MTCL1: variants seen among roughly 807,000 people sequenced by gnomAD.
MTCL1 encodes the protein microtubule crosslinking factor 1.
A neutral mutation model predicts 141.4 loss-of-function variants in MTCL1; 79 were observed. The ratio of observed to expected loss-of-function variants is 0.56; its 90% confidence interval spans 0.47 to 0.67. The LOEUF (loss-of-function observed/expected upper bound fraction) is 0.67. Among genes scored for constraint, MTCL1 ranks in the 30% least tolerant of loss-of-function variants. The pLI is 0.00. For missense variants in MTCL1, 2,177 were observed against 2,113.9 expected, an observed-to-expected ratio of 1.03 and a Z score of -0.59; for synonymous variants, 914 against 875.8, an observed-to-expected ratio of 1.04 and a Z score of -0.77.
At chr18:8,789,912 A>G (rs983476429) in intron 7 of MTCL1, among the ~76,000 whole-genome samples, 5 of 152,156 alleles carry the variant, frequency 3.3e-5, no homozygotes, top group Non-Finnish European at 7.4e-5. Context: ...CACGTTTTGT[A>G]TGTTGTTTTT....
rs1025627325 is a variant in MTCL1, at chr18:8,828,953, C to T, written c.*7C>T. On this transcript the variant is annotated 3_prime_UTR_variant, in exon 16 of 17. Coordinates refer to ENST00000359865, the Ensembl canonical transcript of MTCL1. This position sits in a 1 kb window ranked among gnomAD's most constrained non-coding sequence, Gnocchi z 5.2. ...TGCCCCCTGGGGACTCTAGCCCTGCCCGCCTCACGCTGTAAGTGCTTCCTT... is the reference window on the plus strand; with the variant it reads ...TGCCCCCTGGGGACTCTAGCCCTGCTCGCCTCACGCTGTAAGTGCTTCCTT... The T allele has an allele frequency of 6.2e-7, 1 of 1,614,232 alleles. No individual in the cohort carries two copies. Among genetic ancestry groups the T allele is most frequent in the Non-Finnish European group, 8.5e-7 (1 of 1,180,040 alleles).
At chr18:8,826,961 A>G (rs1012937834) in intron 15 of MTCL1, among the ~76,000 whole-genome samples, 2 of 152,228 alleles carry the variant, frequency 1.3e-5, no homozygotes, top group African/African-American at 4.8e-5. Flanking sequence ...TCCCATTTCC[A>G]CTTCAACAAT....
chr18:8,783,813 G>C, exon 6 of MTCL1: 1 of 1,613,300 alleles, frequency 6.2e-7, no homozygotes, highest in South Asian at 1.1e-5. Flanking sequence ...GAGAACCGTG[G>C]CCTCAAGGCA....
chr18:8,776,516 T>C (rs899349783), intron 4 of MTCL1, among the ~76,000 whole-genome samples: 5 of 152,144 alleles, frequency 3.3e-5, no homozygotes, highest in Non-Finnish European at 5.9e-5. Flanking sequence ...TAGGCAGGGT[T>C]CCCAGGCACT....
chr18:8,808,390 C>T (rs1290869511), intron 11 of MTCL1, among the ~76,000 whole-genome samples: 1 of 152,188 alleles, frequency 6.6e-6, no homozygotes, highest in Non-Finnish European at 1.5e-5. Flanking sequence ...AAGCCAGTTT[C>T]AAAACATTTC....
intron 13 of MTCL1, among the ~76,000 whole-genome samples, chr18:8,819,589 TC>T (rs970554770): frequency 6.6e-6 from 1 of 152,148 alleles, no homozygotes; most frequent in African/African-American, 2.4e-5. Flanking sequence ...GTGTATATGC[TC>T]AACTTTTTCT....
chr18:8,805,288 G>A (rs116968415), intron 10 of MTCL1, among the ~76,000 whole-genome samples: 1,529 of 152,174 alleles, frequency 0.01, 9 homozygotes, highest in Non-Finnish European at 0.016. Context: ...AATACCCAGT[G>A]TCTGTTGTTC....
chr18:8,735,692 C>T (rs964223120), intron 4 of MTCL1, among the ~76,000 whole-genome samples: 8 of 152,106 alleles, frequency 5.3e-5, no homozygotes, highest in African/African-American at 1.7e-4. Flanking sequence ...GGAGATAGAG[C>T]GTGTGAGCTG....
exon 6 of MTCL1, chr18:8,784,479 C>T: frequency 6.4e-7 from 1 of 1,568,452 alleles, no homozygotes; most frequent in East Asian, 2.2e-5. Flanking sequence ...TACCTAGTGA[C>T]CCTAAAACAC....
At chr18:8,804,974 G>A (rs1163525067) in intron 10 of MTCL1, among the ~76,000 whole-genome samples, 1 of 127,928 alleles carries the variant, frequency 7.8e-6, no homozygotes, top group Admixed American at 8.5e-5. Flanking sequence ...GTGACAGAGC[G>A]AGACCTTGCC....
At chr18:8,706,790 C>T (rs1463970358) in intron 1 of MTCL1, 77 bp downstream of exon 1, 4 of 1,520,912 alleles carry the variant, frequency 2.6e-6, no homozygotes, top group Non-Finnish European at 3.5e-6. Context: ...GCCAACCCCT[C>T]CTTCCCGGGC....
At chr18:8,763,491 A>T (rs1031162219) in intron 4 of MTCL1, among the ~76,000 whole-genome samples, 12 of 152,258 alleles carry the variant, frequency 7.9e-5, no homozygotes, top group Admixed American at 2.0e-4. Flanking sequence ...GAGAGTCTCC[A>T]GCCCAGCTTG....
At position 8,826,170 on chromosome 18, in the gene MTCL1, C is replaced by T. The variant is rs139490722; in HGVS notation, c.4660C>T (p.Pro1554Ser). 1.5e-4 allele frequency: 240 copies of T among 1,611,690 alleles called. No homozygotes were observed. Among genetic ancestry groups the T allele is most frequent in the Non-Finnish European group, 2.0e-4 (231 of 1,179,182 alleles). Residue 1554 changes from proline to serine, a missense_variant, in exon 15 of 17, where the codon CCC (proline) becomes TCC (serine). Pro to Ser is a moderately conservative substitution (Grantham distance 74). Transcript: ENST00000359865. ...GGAGAGGAGGCAGGCTGCCCACGGG[C>T]CCCCGGGTCTCCACAGTGACAGCCA...
chr18:8,809,624 GA>G (rs2076413060), intron 11 of MTCL1: 3 of 1,523,850 alleles, frequency 2.0e-6, no homozygotes, highest in South Asian at 1.2e-5. Flanking sequence ...GCACACACCT[GA>G]AAAAAACGGA....
intron 4 of MTCL1, among the ~76,000 whole-genome samples, chr18:8,744,413 T>G (rs2096323848): frequency 6.6e-6 from 1 of 152,254 alleles, no homozygotes; most frequent in Non-Finnish European, 1.5e-5. Flanking sequence ...CTTCCTTCTT[T>G]AAGGGACACT....
At chr18:8,755,405 C>T (rs918445002) in intron 4 of MTCL1, among the ~76,000 whole-genome samples, 5 of 152,136 alleles carry the variant, frequency 3.3e-5, no homozygotes, top group Non-Finnish European at 7.3e-5. Flanking sequence ...TGGGTGGTGG[C>T]GAGGTCGTTC....
At position 8,832,085 on chromosome 18, in the gene MTCL1, G is replaced by A. The variant is rs144799239; in HGVS notation, c.*497G>A. ...TATATTAAACGAAAAGGTAAATAAG[G>A]TATAAATAGATTTAAAAAATAAAAG... On this transcript the variant is annotated 3_prime_UTR_variant, in exon 17 of 17. Coordinates refer to ENST00000359865, the Ensembl canonical transcript of MTCL1. 286 of 402,362 alleles carry A rather than the reference G, an allele frequency of 7.1e-4. 1 individual carries two copies. In the East Asian group the frequency reaches 0.011, roughly 15 times the overall value. The allele number at this position is 402,362 out of a possible 1,614,324, so 24.9% of individuals were successfully genotyped here. A position where few individuals can be genotyped will look rare whatever the true frequency, so the allele number is the denominator to read the frequency against.
chr18:8,720,370 C>T (rs73939505), exon 4 of MTCL1: 77,608 of 1,613,930 alleles, frequency 0.048, 2,236 homozygotes, highest in African/African-American at 0.1. Flanking sequence ...GATTGCACCA[C>T]GAACTTAAGA....
intron 10 of MTCL1, among the ~76,000 whole-genome samples, chr18:8,803,908 G>A (rs895190057): frequency 6.6e-6 from 1 of 152,172 alleles, no homozygotes; most frequent in South Asian, 2.1e-4. Context: ...GTCATGTGGT[G>A]TATGGGCCAA....
Sources: gnomAD v4.1 joint callset for allele counts (sites outside exome capture counted in the v4.1 genomes callset) on GRCh38, gnomAD v4.1.1 for gene constraint, Gnocchi (gnomAD v3.1) non-coding constraint, MANE v1.5 for transcripts, NCBI Gene and HGNC (gene_info 2026-07-23, HGNC 2026-07-21) for gene names.